CDC20: variants seen among roughly 807,000 people sequenced by gnomAD.
CDC20 encodes cell division cycle 20.
In CDC20, 34 loss-of-function variants were observed where a neutral mutation model predicts 60.0. The observed-to-expected ratio is 0.57, with a 90% CI of 0.43 to 0.75. CDC20 has a LOEUF of 0.75. CDC20 is among the 30% of genes least tolerant of loss of function. The pLI, the probability that CDC20 is intolerant of heterozygous loss-of-function variation, is 0.00. For missense variants in CDC20, 469 were observed against 647.3 expected, an observed-to-expected ratio of 0.72 and a Z score of 2.99; for synonymous variants, 198 against 243.5, an observed-to-expected ratio of 0.81 and a Z score of 1.74.
intron 7 of CDC20, 26 bp downstream of exon 7, chr1:43,360,619 TA>T (rs1647168612): frequency 3.8e-6 from 6 of 1,598,032 alleles, no homozygotes; most frequent in Non-Finnish European, 1.7e-6. Flanking sequence ...TGGTCTATGG[TA>T]GTCTGATATT....
In CDC20 at chr1:43,363,053, T is replaced by C. The variant is rs1432832386; in HGVS notation, c.1424T>C (p.Leu475Ser). Residue 475 changes from leucine to serine, a missense_variant, in exon 11 of 11, where the codon TTG becomes TCG. Physicochemically the swap from Leu to Ser is moderately radical, Grantham distance 145. Around this residue, in one of 5 missense-constraint regions of CDC20, gnomAD observed 72 missense variants for 77.9 expected, o/e 0.92. Coordinates refer to ENST00000310955, the MANE Select transcript of CDC20 (RefSeq NM_001255.3). ...CTGAGGCTATGGCGCTGTTTTGAGTTGGACCCTGCGCGGCGGCGGGAGCGG... is the reference window on the plus strand; with the variant it reads ...CTGAGGCTATGGCGCTGTTTTGAGTCGGACCCTGCGCGGCGGCGGGAGCGG... ...ETLRLWRCFE[L>S]DPARRREREK... The C allele has an allele frequency of 6.2e-7, 1 of 1,613,698 alleles. No homozygotes were observed. Among genetic ancestry groups the C allele is most frequent in the Non-Finnish European group, 8.5e-7 (1 of 1,179,886 alleles).
At chr1:43,362,796 C>T (rs577391162) in intron 10 of CDC20, among the ~76,000 whole-genome samples, 155 bp from the exon 11 acceptor site, 29 of 152,256 alleles carry the variant, frequency 1.9e-4, no homozygotes, top group African/African-American at 5.5e-4. Context: ...ACCCAGGAGG[C>T]GGAGCTTGCA....
At position 43,361,149 on chromosome 1, in the gene CDC20, T is replaced by C. The variant is rs1204135678; in HGVS notation, c.1107T>C (p.Asn369=). The change falls in exon 9 of 11, where the codon AAT becomes AAC. Residue 369 remains asparagine, a synonymous_variant. Transcript: ENST00000310955. ...TAGCATGGTGTCCCTGGCAGTCCAA[T>C]GTCCTGGCAACAGGAGGGGGCACCA... is the stretch of plus-strand genomic sequence containing the variant. ...KAVAWCPWQS[N]VLATGGGTSD... The C allele has an allele frequency of 1.3e-5, 21 of 1,613,964 alleles. No individual in the cohort carries two copies. The East Asian group carries it at 3.1e-4, about 24-fold the overall frequency.
Position 43,362,945 on chromosome 1 carries a change from C to T in CDC20, c.1322-6C>T. On this transcript the variant is annotated splice_polypyrimidine_tract_variant and splice_region_variant and intron_variant, in intron 10 of 10. Coordinates refer to ENST00000310955, the MANE Select transcript of CDC20 (RefSeq NM_001255.3). ...CATTCGTATGTACTGTTCTCATTTG[C>T]TCCAGGTCACACATCCCGGGTCCTG... 5 of 1,585,566 alleles carry T rather than the reference C, an allele frequency of 3.2e-6. No individual in the cohort carries two copies. Among genetic ancestry groups the T allele is most frequent in the South Asian group, 1.2e-5 (1 of 86,560 alleles).
intron 1 of CDC20, 55 bp downstream of exon 1, chr1:43,359,061 C>T: frequency 1.4e-6 from 1 of 730,142 alleles, no homozygotes; most frequent in Non-Finnish European, 2.3e-6. Context: ...GGAGGGGGTG[C>T]TAGGCCGGAA....
chr1:43,360,584 T>A lies in CDC20; in HGVS notation c.839T>A (p.Ile280Asn). The change falls in exon 7 of 11, where the codon ATC becomes AAC. Residue 280 changes from isoleucine (I) to asparagine (N), a missense_variant. Ile to Asn is a moderately radical substitution (Grantham distance 149, BLOSUM62 -3). This residue lies in a region of CDC20 where 255 missense variants were observed against 326.7 expected (regional missense o/e 0.78). Coordinates refer to ENST00000310955, the MANE Select transcript of CDC20 (RefSeq NM_001255.3). ...RVGSLSWNSY[I>N]LSSGSRSGHI... ...GGCTCCCTAAGCTGGAACAGCTATA[T>A]CCTGTCCAGGTCAGTGGTTTTTGTT... The A allele has an allele frequency of 6.2e-7, 1 of 1,613,536 alleles. No individual in the cohort carries two copies. The highest frequency in any genetic ancestry group is 1.1e-5 in the South Asian group (1 of 91,078).
chr1:43,362,287 C>G lies in CDC20; in HGVS notation c.1296C>G (p.Thr432=), dbSNP rs1570483507. ...QNQLVIWKYP[T]MAKVAELKGH... is the part of the protein sequence containing the mutation. ...AGCTAGTTATTTGGAAGTACCCAAC[C>G]ATGGCCAAGGTGGCTGAACTCAAAG... Residue 432 remains threonine (T), a synonymous_variant, in exon 10 of 11, where the codon ACC becomes ACG. Transcript: ENST00000310955. 2.5e-6 allele frequency: 4 copies of G among 1,581,196 alleles called. No homozygotes were observed. Among genetic ancestry groups the G allele is most frequent in the Non-Finnish European group, 3.5e-6 (4 of 1,150,068 alleles).
chr1:43,359,182 A>C lies in CDC20; in HGVS notation c.-34A>C, dbSNP rs1265752352. On this transcript the variant is annotated 5_prime_UTR_variant, in exon 2 of 11. Transcript: ENST00000310955. ...TTTCCTCCAGGGCTCCGTAGGCACC[A>C]ACTGCAAGGACCCCTCCCCCTGCGG... 3 of 1,609,116 alleles carry C rather than the reference A, an allele frequency of 1.9e-6. No individual in the cohort carries two copies. Among genetic ancestry groups the C allele is most frequent in the Non-Finnish European group, 1.7e-6 (2 of 1,177,990 alleles).
At position 43,360,754 on chromosome 1, in the gene CDC20, C is replaced by G; in HGVS notation, c.870C>G (p.Ile290Met). 1 of 1,613,786 alleles carries G rather than the reference C, an allele frequency of 6.2e-7. No individual in the cohort carries two copies. Among genetic ancestry groups the G allele is most frequent in the South Asian group, 1.1e-5 (1 of 91,060 alleles). ...ILSSGSRSGH[I>M]HHHDVRVAEH... The stretch of plus-strand genomic sequence containing the variant: ...CCAGTGGTTCACGTTCTGGCCACAT[C>G]CACCACCATGATGTTCGGGTAGCAG... Residue 290 changes from isoleucine to methionine, a missense_variant, in exon 8 of 11, where the codon ATC (isoleucine) becomes ATG (methionine). Transcript: ENST00000310955.
intron 9 of CDC20, among the ~76,000 whole-genome samples, chr1:43,361,711 T>C (rs556613509): frequency 1.3e-5 from 2 of 152,360 alleles, no homozygotes; most frequent in South Asian, 2.1e-4. Context: ...TCCTCCATGC[T>C]GTGGTCTGTT....
In CDC20 at chr1:43,359,208, G is replaced by T; in HGVS notation, c.-8G>T. ...ACTGCAAGGACCCCTCCCCCTGCGG[G>T]CGCTCCCATGGCACAGTTCGCGTTC... On this transcript the variant is annotated 5_prime_UTR_variant, in exon 2 of 11. Transcript: ENST00000310955. 2 of 1,611,554 alleles carry T rather than the reference G, an allele frequency of 1.2e-6. No individual in the cohort carries two copies. The highest frequency in any genetic ancestry group is 1.7e-6 in the Non-Finnish European group (2 of 1,179,892).
intron 10 of CDC20, 111 bp from the exon 11 acceptor site, chr1:43,362,839 TG>T: frequency 2.6e-6 from 2 of 761,516 alleles, no homozygotes; most frequent in Non-Finnish European, 4.3e-6. Context: ...CACTCCAGCC[TG>T]GGTGACAGAG....
chr1:43,361,997 G>C (rs1483387227), intron 9 of CDC20, among the ~76,000 whole-genome samples, 198 bp from the exon 10 acceptor site: 1 of 152,210 alleles, frequency 6.6e-6, no homozygotes, highest in East Asian at 1.9e-4. Flanking sequence ...TTAAGTCCCA[G>C]TAAACCCACT....
chr1:43,360,325 C>A lies in CDC20; in HGVS notation c.689C>A (p.Ser230Tyr). 6.2e-7 allele frequency: 1 copy of A among 1,614,172 alleles called. No homozygotes were observed. The highest frequency in any genetic ancestry group is 8.5e-7 in the Non-Finnish European group (1 of 1,180,034). Residue 230 changes from serine to tyrosine, a missense_variant, in exon 6 of 11, where the codon TCC (serine) becomes TAC (tyrosine). Transcript: ENST00000310955. The part of the protein sequence containing the change: ...LQMEQPGEYI[S>Y]SVAWIKEGNY... ...ATGGAGCAGCCTGGGGAATATATATCCTCTGTGGCCTGGATCAAAGAGGGC... is the reference window on the plus strand; with the variant it reads ...ATGGAGCAGCCTGGGGAATATATATACTCTGTGGCCTGGATCAAAGAGGGC...
chr1:43,362,068 G>T, intron 9 of CDC20, 127 bp from the exon 10 acceptor site: 1 of 597,116 alleles, frequency 1.7e-6, no homozygotes, highest in Non-Finnish European at 3.1e-6. Flanking sequence ...AGGAACTTTT[G>T]TATGGACTAT....
At position 43,359,192 on chromosome 1, in the gene CDC20, A is replaced by AC. The variant is rs1430470369; in HGVS notation, c.-20dup. 1.9e-6 allele frequency: 3 copies of AC among 1,610,514 alleles called. No individual in the cohort carries two copies. The highest frequency in any genetic ancestry group is 4.5e-5 in the East Asian group (2 of 44,830). Reference sequence around the variant, plus strand: ...GGCTCCGTAGGCACCAACTGCAAGGACCCCTCCCCCTGCGGGCGCTCCCAT... The same window carrying AC: ...GGCTCCGTAGGCACCAACTGCAAGGACCCCCTCCCCCTGCGGGCGCTCCCAT... On this transcript the variant is annotated 5_prime_UTR_variant, in exon 2 of 11. Transcript: ENST00000310955.
rs781228317 is a variant in CDC20 at position 43,359,219 on chromosome 1, G to A, written c.4G>A (p.Ala2Thr). Residue 2 changes from alanine to threonine, a missense_variant, in exon 2 of 11, where the codon GCA becomes ACA. This residue lies in a region of CDC20 where 115 missense variants were observed against 156.1 expected (regional missense o/e 0.74). Coordinates refer to ENST00000310955, the MANE Select transcript of CDC20 (RefSeq NM_001255.3). ...CCCTCCCCCTGCGGGCGCTCCCATGGCACAGTTCGCGTTCGAGAGTGACCT... is the reference window on the plus strand; with the variant it reads ...CCCTCCCCCTGCGGGCGCTCCCATGACACAGTTCGCGTTCGAGAGTGACCT... Reference protein sequence around the residue: MAQFAFESDLHS... With the variant: MTQFAFESDLHS... 6.2e-7 allele frequency: 1 copy of A among 1,611,576 alleles called. No homozygotes were observed. The highest frequency in any genetic ancestry group is 1.7e-5 in the Admixed American group (1 of 60,024).
intron 2 of CDC20, 44 bp from the exon 3 acceptor site, chr1:43,359,446 C>T (rs374326082): frequency 1.9e-6 from 3 of 1,613,160 alleles, no homozygotes; most frequent in African/African-American, 1.3e-5. Context: ...CATACTTTCT[C>T]CCTGGGGAGC....
Position 43,360,831 on chromosome 1 carries a change from G to A in CDC20, c.947G>A (p.Arg316His), listed in dbSNP as rs753367774. Residue 316 changes from arginine (R) to histidine (H), a missense_variant, in exon 8 of 11, where the codon CGC (arginine) becomes CAC (histidine). Arg to His is a conservative substitution (Grantham distance 29, BLOSUM62 0). This residue lies in a region of CDC20 where 255 missense variants were observed against 326.7 expected (regional missense o/e 0.78). Coordinates refer to ENST00000310955, the MANE Select transcript of CDC20 (RefSeq NM_001255.3). ...SGHSQEVCGL[R>H]WAPDGRHLAS... The stretch of plus-strand genomic sequence containing the variant: ...CACAGCCAGGAAGTGTGTGGGCTGC[G>A]CTGGGCCCCAGATGGACGACATTTG... 1.9e-5 allele frequency: 31 copies of A among 1,614,002 alleles called. No homozygotes were observed. The highest frequency in any genetic ancestry group is 4.5e-5 in the East Asian group (2 of 44,898).
Sources: gnomAD v4.1 joint callset for allele counts (sites outside exome capture counted in the v4.1 genomes callset) on GRCh38, gnomAD v4.1.1 for gene constraint, gnomAD v4.1.1 regional missense constraint, MANE v1.5 for transcripts, NCBI Gene and HGNC (gene_info 2026-07-23, HGNC 2026-07-21) for gene names.